The following AMN1 variants were observed in gnomAD, a reference collection of about 807,000 sequenced individuals.
AMN1 encodes the protein protein AMN1 homolog.
In AMN1, 20 loss-of-function variants were observed where a neutral mutation model predicts 33.0. That is an observed-to-expected ratio of 0.61 (90% confidence interval 0.43 to 0.88). The LOEUF (loss-of-function observed/expected upper bound fraction) is 0.88, where lower values mean the gene tolerates loss of function less well. Among genes scored for constraint, AMN1 ranks in the 40% least tolerant of loss-of-function variants. AMN1 has a pLI of 0.00. For missense variants in AMN1, 246 were observed against 307.4 expected (o/e 0.80, Z 1.49); for synonymous variants, 114 against 111.9 (o/e 1.02, Z -0.12).
At chr12:31,706,084 G>A (rs542972306) in intron 2 of AMN1, among the ~76,000 whole-genome samples, 4 of 152,004 alleles carry the variant, frequency 2.6e-5, no homozygotes, top group African/African-American at 4.8e-5. Flanking sequence ...AGGCTGAGGC[G>A]GGCAGATCAC....
intron 2 of AMN1, 37 bp downstream of exon 2, chr12:31,709,256 T>C (rs2139708584): frequency 1.2e-6 from 2 of 1,603,946 alleles, no homozygotes; most frequent in Non-Finnish European, 1.7e-6. Flanking sequence ...AAACAGAAAA[T>C]ATAATATGCT....
At chr12:31,693,288 A>C (rs1216344242) in intron 5 of AMN1, among the ~76,000 whole-genome samples, 1 of 151,782 alleles carries the variant, frequency 6.6e-6, no homozygotes, top group Non-Finnish European at 1.5e-5. Flanking sequence ...CCCAGGCTGG[A>C]GTGCAATTGC....
chr12:31,704,650 A>G (rs1460289194), intron 2 of AMN1, among the ~76,000 whole-genome samples: 1 of 152,214 alleles, frequency 6.6e-6, no homozygotes, highest in East Asian at 1.9e-4. Context: ...CTTCAAAAAC[A>G]GCCATCCAAA....
chr12:31,712,559 T>C (rs1015065498), intron 1 of AMN1, among the ~76,000 whole-genome samples: 1 of 152,192 alleles, frequency 6.6e-6, no homozygotes, highest in Non-Finnish European at 1.5e-5. Flanking sequence ...TTCATTATTT[T>C]TTAATGGCTG....
intron 6 of AMN1, among the ~76,000 whole-genome samples, chr12:31,679,120 C>T (rs961780893): frequency 7.3e-5 from 11 of 151,706 alleles, no homozygotes; most frequent in Non-Finnish European, 2.9e-5. Flanking sequence ...ACAGTCTGAC[C>T]AACATGGCGA....
At chr12:31,707,763 G>A (rs1158283848) in intron 2 of AMN1, among the ~76,000 whole-genome samples, 1 of 152,166 alleles carries the variant, frequency 6.6e-6, no homozygotes, top group African/African-American at 2.4e-5. Context: ...GTTGACACAA[G>A]AGAAGTAACT....
chr12:31,697,983 AAT>A (rs1172206750), intron 3 of AMN1, 26 bp from the exon 4 acceptor site: 6 of 1,601,682 alleles, frequency 3.7e-6, no homozygotes, highest in Non-Finnish European at 4.3e-6. Flanking sequence ...ATTATATATC[AAT>A]GAGCTATATG....
At chr12:31,709,928 T>C (rs1939402331) in intron 1 of AMN1, among the ~76,000 whole-genome samples, 1 of 152,234 alleles carries the variant, frequency 6.6e-6, no homozygotes, top group African/African-American at 2.4e-5. Context: ...CAAGATGCTC[T>C]TCCTCTACAA....
intron 2 of AMN1, among the ~76,000 whole-genome samples, chr12:31,702,826 C>A (rs1366931507): frequency 6.6e-6 from 1 of 152,180 alleles, no homozygotes; most frequent in Non-Finnish European, 1.5e-5. Flanking sequence ...CAACCTCCGC[C>A]TCCCGGGTTC....
intron 1 of AMN1, among the ~76,000 whole-genome samples, chr12:31,718,853 T>C (rs539046152): frequency 7.9e-5 from 12 of 152,330 alleles, no homozygotes; most frequent in African/African-American, 2.9e-4. Flanking sequence ...TGCCACTTTG[T>C]TTACACTGTG....
chr12:31,690,240 C>T (rs1296825673), intron 5 of AMN1, among the ~76,000 whole-genome samples: 2 of 152,136 alleles, frequency 1.3e-5, no homozygotes, highest in Admixed American at 6.5e-5. Context: ...GTATCTTTTT[C>T]GTATAATGAC....
In AMN1 at chr12:31,687,842, T is replaced by G. The variant is rs1278788722; in HGVS notation, c.703+1165A>C. Among the ~76,000 whole-genome samples, 1 of 152,156 alleles carries G rather than the reference T, an allele frequency of 6.6e-6. No homozygotes were observed. The highest frequency in any genetic ancestry group is 2.4e-5 in the African/African-American group (1 of 41,432). ...GGTAATATGAAAGGGTGCCATGGTT[T>G]CTAGGGTAGGAGGATATATACCATG... On this transcript the variant is annotated intron_variant, in intron 6 of 6. Coordinates refer to ENST00000281471, the MANE Select transcript of AMN1 (RefSeq NM_001113402.2). This position sits in a 1 kb window ranked among gnomAD's most constrained non-coding sequence, Gnocchi z 4.1.
At chr12:31,674,625 G>A (rs572922792) in intron 6 of AMN1, among the ~76,000 whole-genome samples, 7 of 152,230 alleles carry the variant, frequency 4.6e-5, no homozygotes, top group Admixed American at 2.0e-4. Context: ...GCATTAGAAC[G>A]TGGATATCAT....
Position 31,697,929 on chromosome 12 carries a change from T to C in AMN1, c.345A>G (p.Ser115=). 1 of 1,614,004 alleles carries C rather than the reference T, an allele frequency of 6.2e-7. No individual in the cohort carries two copies. Among genetic ancestry groups the C allele is most frequent in the Non-Finnish European group, 8.5e-7 (1 of 1,179,874 alleles). ...EGIKAVASSC[S]YLHEASLKRC... Reference sequence around the variant, plus strand: ...TTTTCAAAGAAGCTTCGTGTAGGTATGAACAAGATGAAGCCACAGCTTTTA... The same window carrying C: ...TTTTCAAAGAAGCTTCGTGTAGGTACGAACAAGATGAAGCCACAGCTTTTA... The change falls in exon 4 of 7, where the codon TCA becomes TCG. Residue 115 remains serine (S), a synonymous_variant. Coordinates refer to ENST00000281471, the MANE Select transcript of AMN1 (RefSeq NM_001113402.2).
Position 31,709,367 on chromosome 12 carries a change from G to A in AMN1, c.97C>T (p.Pro33Ser). The change falls in exon 2 of 7, where the codon CCT (proline) becomes TCT (serine). Residue 33 changes from proline (P) to serine (S), a missense_variant. Pro to Ser is a moderately conservative substitution (Grantham distance 74). Coordinates refer to ENST00000281471, the MANE Select transcript of AMN1 (RefSeq NM_001113402.2). ...SRYLTDIKPLPPNIKDRLIKI... is the reference protein window; with the variant it reads ...SRYLTDIKPLSPNIKDRLIKI... Reference sequence around the variant, plus strand: ...ATCAGTCTGTCTTTTATGTTGGGAGGCAAAGGCTTAATGTCTGTGAGATAT... The same window carrying A: ...ATCAGTCTGTCTTTTATGTTGGGAGACAAAGGCTTAATGTCTGTGAGATAT... 6.2e-7 allele frequency: 1 copy of A among 1,613,724 alleles called. No individual in the cohort carries two copies.
At chr12:31,724,876 T>A (rs1592180331) in intron 1 of AMN1, among the ~76,000 whole-genome samples, 1 of 152,226 alleles carries the variant, frequency 6.6e-6, no homozygotes, top group Non-Finnish European at 1.5e-5. Flanking sequence ...CTTAAAATTC[T>A]GGGAGGACTA....
chr12:31,702,713 C>G (rs1165787444), intron 2 of AMN1, among the ~76,000 whole-genome samples: 1 of 151,900 alleles, frequency 6.6e-6, no homozygotes, highest in Non-Finnish European at 1.5e-5. Context: ...AGGAAGGGTA[C>G]TGTCATATAC....
intron 1 of AMN1, among the ~76,000 whole-genome samples, chr12:31,726,407 T>C (rs1940072381): frequency 6.6e-6 from 1 of 152,216 alleles, no homozygotes; most frequent in African/African-American, 2.4e-5. Flanking sequence ...GTGATCCACC[T>C]GCCTCAGCCT....
At chr12:31,692,584 GT>G (rs1231933812) in intron 5 of AMN1, among the ~76,000 whole-genome samples, 2 of 150,696 alleles carry the variant, frequency 1.3e-5, no homozygotes, top group African/African-American at 4.8e-5. Context: ...ATTTAGGACT[GT>G]TAAAAAAATA....
Sources: allele counts gnomAD v4.1 joint callset (sites outside exome capture counted in the v4.1 genomes callset), GRCh38; gene constraint gnomAD v4.1.1; non-coding constraint Gnocchi (gnomAD v3.1); transcripts MANE v1.5; gene names NCBI Gene and HGNC (gene_info 2026-07-23, HGNC 2026-07-21).